STK3: variants seen among roughly 807,000 people sequenced by gnomAD.
STK3 encodes the protein serine/threonine kinase 3, also known as serine/threonine-protein kinase 3.
In STK3, 41 loss-of-function variants were observed where a neutral mutation model predicts 58.0. The ratio of observed to expected loss-of-function variants is 0.71; its 90% CI spans 0.55 to 0.92. STK3 has a LOEUF of 0.92. STK3 is among the 40% of genes least tolerant of loss of function. The pLI is 0.00. For missense variants in STK3, 479 were observed against 602.7 expected, an observed-to-expected ratio of 0.79 and a Z score of 2.15; for synonymous variants, 170 against 191.0, an observed-to-expected ratio of 0.89 and a Z score of 0.91.
chr8:98,865,461 G>T (rs1281425674), intron 3 of STK3, among the ~76,000 whole-genome samples: 1 of 151,902 alleles, frequency 6.6e-6, no homozygotes, highest in African/African-American at 2.4e-5. Flanking sequence ...CAACCTCCTG[G>T]GCTTAAGCAA....
At chr8:98,788,467 A>C (rs931044000) in intron 1 of STK3, among the ~76,000 whole-genome samples, 57 of 152,082 alleles carry the variant, frequency 3.7e-4, no homozygotes, top group African/African-American at 1.0e-3. Flanking sequence ...ACAAACAAAA[A>C]AAAAAATACA....
In STK3 at chr8:98,421,497, G is replaced by A. The variant is rs556882573; in HGVS notation, n.483+12630C>T. 2.6e-5 allele frequency among the ~76,000 whole-genome samples: 4 copies of A among 152,292 alleles called. No homozygotes were observed. The South Asian group carries it at 8.3e-4, about 32-fold the overall frequency. ...TCTTAATTATTCCAACCTTGGGCCA[G>A]GTGCAGTGGCTCATGCTTATAATCC... On this transcript the variant is annotated intron_variant and non_coding_transcript_variant, in intron 3 of 3. Coordinates refer to the STK3 transcript ENST00000517832.
chr8:98,642,701 C>T (rs895920543), intron 6 of STK3, among the ~76,000 whole-genome samples: 2 of 152,146 alleles, frequency 1.3e-5, no homozygotes, highest in African/African-American at 4.8e-5. Flanking sequence ...TTTAACCATC[C>T]TATATGTAGA....
intron 1 of STK3, among the ~76,000 whole-genome samples, chr8:98,897,903 A>G (rs954318845): frequency 2.6e-5 from 4 of 152,218 alleles, no homozygotes; most frequent in African/African-American, 7.2e-5. Flanking sequence ...ATATCAAAAC[A>G]CGAGACAGCC....
chr8:98,779,396 T>C (rs1447910330), intron 1 of STK3, among the ~76,000 whole-genome samples: 2 of 152,246 alleles, frequency 1.3e-5, no homozygotes, highest in Admixed American at 6.5e-5. Flanking sequence ...ATCAGTAGCA[T>C]GTAAATTCAG....
At chr8:98,348,996 A>G in the STK3 span, among the ~76,000 whole-genome samples, 1 of 152,236 alleles carries the variant, frequency 6.6e-6, no homozygotes. Context: ...CAAACTTGGA[A>G]GCAACCATGA....
intron 4 of STK3, among the ~76,000 whole-genome samples, chr8:98,712,906 T>G (rs1033748715): frequency 5.2e-4 from 79 of 152,262 alleles, no homozygotes; most frequent in African/African-American, 1.7e-3. Context: ...TCAGCAAATG[T>G]AAAAGAACAG....
At chr8:98,750,540 A>G (rs1829907916) in intron 3 of STK3, among the ~76,000 whole-genome samples, 1 of 151,858 alleles carries the variant, frequency 6.6e-6, no homozygotes, top group South Asian at 2.1e-4. Context: ...GAAGACTGTC[A>G]GGGAAGACTT....
At chr8:98,561,987 T>C in intron 8 of STK3, among the ~76,000 whole-genome samples, 1 of 152,108 alleles carries the variant, frequency 6.6e-6, no homozygotes, top group East Asian at 1.9e-4. Flanking sequence ...ATGGTTAAAA[T>C]GCAAAAACAA....
intron 10 of STK3, among the ~76,000 whole-genome samples, chr8:98,492,993 G>A (rs1822821924): frequency 6.6e-6 from 1 of 152,000 alleles, no homozygotes; most frequent in Non-Finnish European, 1.5e-5. Flanking sequence ...CACTTTGGGA[G>A]GCCAAGGCGG....
At chr8:98,389,490 G>C (rs1197343350), upstream of STK3, among the ~76,000 whole-genome samples, 1 of 152,154 alleles carries the variant, frequency 6.6e-6, no homozygotes, top group African/African-American at 2.4e-5. Context: ...ACAACTCAGT[G>C]TAGCTTAACT....
intron 8 of STK3, among the ~76,000 whole-genome samples, chr8:98,549,165 A>AT (rs1387637930): frequency 1.3e-5 from 2 of 152,088 alleles, no homozygotes; most frequent in Non-Finnish European, 2.9e-5. Context: ...TTCATATTTA[A>AT]TTTTTTAAGT....
downstream of STK3, among the ~76,000 whole-genome samples, chr8:98,453,408 A>G (rs1467412033): frequency 2.0e-5 from 3 of 152,120 alleles, no homozygotes; most frequent in East Asian, 5.8e-4. Context: ...ATGGCTTGTG[A>G]TTCTTCAAAA....
chr8:98,432,395 T>A (rs1210067343), intron 3 of STK3: 1 of 167,068 alleles, frequency 6.0e-6, no homozygotes, highest in African/African-American at 2.4e-5. Flanking sequence ...GTGATGTGCA[T>A]TTTGGAAGTG....
intron 8 of STK3, among the ~76,000 whole-genome samples, chr8:98,549,778 G>A (rs1186191855): frequency 6.6e-6 from 1 of 152,152 alleles, no homozygotes; most frequent in Non-Finnish European, 1.5e-5. Flanking sequence ...ACAGTGCTTT[G>A]GGAGGTCAGG....
chr8:98,539,410 A>G (rs1810043968), intron 9 of STK3, among the ~76,000 whole-genome samples: 1 of 152,130 alleles, frequency 6.6e-6, no homozygotes, highest in Non-Finnish European at 1.5e-5. Flanking sequence ...GTCTAGGAAC[A>G]ATGGATGAAC....
intron 1 of STK3, among the ~76,000 whole-genome samples, chr8:98,383,490 T>A (rs1375121184): frequency 6.6e-6 from 1 of 152,228 alleles, no homozygotes; most frequent in Non-Finnish European, 1.5e-5. Flanking sequence ...TGATTTTGCC[T>A]CTTGTGAATA....
intron 6 of STK3, among the ~76,000 whole-genome samples, chr8:98,662,139 T>C (rs1017962539): frequency 3.3e-5 from 5 of 152,138 alleles, no homozygotes; most frequent in African/African-American, 1.2e-4. Flanking sequence ...AGGTTGTACA[T>C]TGAGAGACCC....
intron 6 of STK3, among the ~76,000 whole-genome samples, chr8:98,703,673 T>A (rs1374123533): frequency 6.6e-6 from 1 of 152,140 alleles, no homozygotes; most frequent in Admixed American, 6.6e-5. Flanking sequence ...CTCAGCAGCA[T>A]CCTTAAATTC....
Sources: allele counts gnomAD v4.1 joint callset (sites outside exome capture counted in the v4.1 genomes callset), GRCh38; gene constraint gnomAD v4.1.1; transcripts MANE v1.5; gene names NCBI Gene and HGNC (gene_info 2026-07-23, HGNC 2026-07-21).